Variants in MACC1 observed in about 807,000 individuals in gnomAD.
MACC1 encodes the protein MET transcriptional regulator MACC1, also known as metastasis-associated in colon cancer protein 1.
MACC1 carries 79 observed loss-of-function variants against 70.7 expected under a neutral mutation model. That is an observed-to-expected ratio of 1.12 (90% CI 0.93 to 1.35). The LOEUF (loss-of-function observed/expected upper bound fraction) is 1.35. Ranked by LOEUF, MACC1 falls within the 40% of genes most tolerant of loss-of-function variation. The pLI is 0.00. For missense variants in MACC1, 1,106 were observed against 978.1 expected, an observed-to-expected ratio of 1.13 and a Z score of -1.74; for synonymous variants, 361 against 347.2, an observed-to-expected ratio of 1.04 and a Z score of -0.44.
chr7:20,164,759 A>T (rs1160380161), intron 2 of MACC1, among the ~76,000 whole-genome samples: 4 of 152,234 alleles, frequency 2.6e-5, no homozygotes, highest in African/African-American at 9.6e-5. Context: ...TTTGAGGTAG[A>T]AAAGCTGAGC....
rs555287076 is a variant in MACC1, at chr7:20,164,347, T to G, written c.-100A>C. 6.6e-6 allele frequency: 1 copy of G among 152,352 alleles called. No individual in the cohort carries two copies. Among genetic ancestry groups the G allele is most frequent in the South Asian group, 2.1e-4 (1 of 4,828 alleles). 9.4% of individuals were successfully genotyped at this position (152,352 alleles called of 1,614,324 possible). A position where few individuals can be genotyped will look rare whatever the true frequency, so the allele number is the denominator to read the frequency against. On this transcript the variant is annotated 5_prime_UTR_variant, in exon 3 of 7. Transcript: ENST00000400331. ...ATACTCTTCTTTCTAATTCTTGATT[T>G]TTTTCTTTTCAAGTAGTTTTATTTT...
intron 1 of MACC1, among the ~76,000 whole-genome samples, chr7:20,204,523 G>C: frequency 6.6e-6 from 1 of 152,042 alleles, no homozygotes; most frequent in Non-Finnish European, 1.5e-5. Flanking sequence ...TTTTCAGCCT[G>C]AACGTCCTGA....
rs1056082749 is a variant in MACC1, at chr7:20,137,169, A to T, written c.*3777T>A. On this transcript the variant is annotated 3_prime_UTR_variant, in exon 7 of 7. Transcript: ENST00000400331. Reference sequence around the variant, plus strand: ...CACAATATAAAAATTCAAGTCCTTCAACTTCCAGTTATAGCATTGTACAAA... The same window carrying T: ...CACAATATAAAAATTCAAGTCCTTCTACTTCCAGTTATAGCATTGTACAAA... 1.3e-5 allele frequency: 2 copies of T among 152,258 alleles called. No individual in the cohort carries two copies. The highest frequency in any genetic ancestry group is 6.5e-5 in the Admixed American group (1 of 15,296). 9.4% of individuals were successfully genotyped at this position (152,258 alleles called of 1,614,324 possible).
Position 20,195,117 on chromosome 7 carries a change from C to G in MACC1, c.-218+22182G>C, listed in dbSNP as rs141734310. Among the ~76,000 whole-genome samples the G allele has an allele frequency of 3.2e-4, 48 of 152,090 alleles. 3 individuals are homozygous for G. The highest frequency in any genetic ancestry group is 1.1e-3 in the African/African-American group (44 of 41,482). On this transcript the variant is annotated intron_variant, in intron 1 of 6. Transcript: ENST00000400331. ...TCTTATTAAAAAAAAACAAGTATCCCCTATGCTTTAAGTTTTACCTTGATT... is the reference window on the plus strand; with the variant it reads ...TCTTATTAAAAAAAAACAAGTATCCGCTATGCTTTAAGTTTTACCTTGATT...
At position 20,195,788 on chromosome 7, in the gene MACC1, T is replaced by C. The variant is rs181413328; in HGVS notation, c.-218+21511A>G. Among the ~76,000 whole-genome samples, 24 of 152,314 alleles carry C rather than the reference T, an allele frequency of 1.6e-4. 2 individuals are homozygous for C. The East Asian group carries it at 4.2e-3, about 27-fold the overall frequency. The stretch of plus-strand genomic sequence containing the variant: ...CTGCTCATCTTGAGGCCAATGCTTC[T>C]TTAGCTGCTAGAAAAAAAGAAAAAA... On this transcript the variant is annotated intron_variant, in intron 1 of 6. Transcript: ENST00000400331.
chr7:20,194,228 C>T (rs1782716073), intron 1 of MACC1, among the ~76,000 whole-genome samples: 1 of 151,964 alleles, frequency 6.6e-6, no homozygotes, highest in African/African-American at 2.4e-5. Flanking sequence ...TTTTTTATAT[C>T]CTAATTTTAG....
intron 1 of MACC1, among the ~76,000 whole-genome samples, chr7:20,183,747 T>G (rs1452675147): frequency 1.3e-5 from 2 of 150,748 alleles, no homozygotes; most frequent in Non-Finnish European, 2.9e-5. Context: ...CTCACTCTGT[T>G]TCCCGGGCTG....
chr7:20,156,328 C>T (rs1782054421), intron 5 of MACC1, among the ~76,000 whole-genome samples: 1 of 152,238 alleles, frequency 6.6e-6, no homozygotes, highest in South Asian at 2.1e-4. Context: ...TTGGAAGCTC[C>T]CCGCTTGAAT....
intron 1 of MACC1, among the ~76,000 whole-genome samples, chr7:20,181,080 C>CTGTGTGTGTGTGTGTGTG (rs59476252): frequency 6.7e-6 from 1 of 149,082 alleles, no homozygotes; most frequent in African/African-American, 2.5e-5. Context: ...TGTATGTGCT[C>CTGTGTGTGTGTGTGTGTG]TGTGTGTGTG....
At chr7:20,169,205 C>T (rs982755348) in intron 2 of MACC1, among the ~76,000 whole-genome samples, 1 of 152,172 alleles carries the variant, frequency 6.6e-6, no homozygotes, top group Admixed American at 6.5e-5. Context: ...TGATATGTCT[C>T]TCAGGTTTAA....
chr7:20,136,195 G>A lies in MACC1; in HGVS notation c.*4751C>T, dbSNP rs57905351. ...CAAGTGACAGGTCCACAGTCTCATAGGGAGTAAGGGAGTAATGGACAAAGA... is the reference window on the plus strand; with the variant it reads ...CAAGTGACAGGTCCACAGTCTCATAAGGAGTAAGGGAGTAATGGACAAAGA... On this transcript the variant is annotated 3_prime_UTR_variant, in exon 7 of 7. Coordinates refer to ENST00000400331, the MANE Select transcript of MACC1 (RefSeq NM_182762.4). The A allele has an allele frequency of 0.15, 22,546 of 152,212 alleles. 1,766 individuals are homozygous for A. Among genetic ancestry groups the A allele is most frequent in the East Asian group, 0.25 (1,311 of 5,170 alleles). The allele number at this position is 152,212 out of a possible 1,614,324, so 9.4% of individuals were successfully genotyped here. A position where few individuals can be genotyped will look rare whatever the true frequency, so the allele number is the denominator to read the frequency against.
chr7:20,207,427 C>T (rs753270730), intron 1 of MACC1, among the ~76,000 whole-genome samples: 13 of 152,096 alleles, frequency 8.5e-5, no homozygotes, highest in Non-Finnish European at 1.9e-4. Flanking sequence ...GCTGGGATTA[C>T]AGGCATGAGC....
In MACC1 at chr7:20,194,536, C is replaced by T. The variant is rs75163434; in HGVS notation, c.-218+22763G>A. Among the ~76,000 whole-genome samples the T allele has an allele frequency of 8.3e-3, 1,271 of 152,312 alleles. 21 individuals are homozygous for T. Among genetic ancestry groups the T allele is most frequent in the African/African-American group, 0.029 (1,201 of 41,566 alleles). On this transcript the variant is annotated intron_variant, in intron 1 of 6. Transcript: ENST00000400331. The stretch of plus-strand genomic sequence containing the variant: ...TTCATGGTACCCTTAAAAGCTTACA[C>T]CTGATTCACTCAGCTGCTGGCTCAG...
intron 1 of MACC1, among the ~76,000 whole-genome samples, chr7:20,185,517 T>C (rs1397324775): frequency 1.3e-5 from 2 of 152,076 alleles, no homozygotes; most frequent in African/African-American, 4.8e-5. Flanking sequence ...CAGATTTTAA[T>C]TTATAAAGAA....
intron 1 of MACC1, among the ~76,000 whole-genome samples, chr7:20,210,981 T>G (rs1350728365): frequency 6.6e-6 from 1 of 152,208 alleles, no homozygotes; most frequent in Non-Finnish European, 1.5e-5. Flanking sequence ...TAAATTCTTC[T>G]CAGTACAAAT....
At position 20,138,524 on chromosome 7, in the gene MACC1, G is replaced by C. The variant is rs1296853346; in HGVS notation, c.*2422C>G. 3 of 151,890 alleles carry C rather than the reference G, an allele frequency of 2.0e-5. No homozygotes were observed. The highest frequency in any genetic ancestry group is 1.3e-4 in the Admixed American group (2 of 15,270). 9.4% of individuals were successfully genotyped at this position (151,890 alleles called of 1,614,324 possible). On this transcript the variant is annotated 3_prime_UTR_variant, in exon 7 of 7. Coordinates refer to ENST00000400331, the MANE Select transcript of MACC1 (RefSeq NM_182762.4). ...AAGAAAGCAAAATCACCACAAAAAA[G>C]GACTGTGTTCTGAAAGTAAAAACTG...
intron 1 of MACC1, among the ~76,000 whole-genome samples, chr7:20,195,910 T>C (rs1180205855): frequency 1.3e-5 from 2 of 152,224 alleles, no homozygotes; most frequent in East Asian, 3.8e-4. Context: ...AATTAGGTTG[T>C]CTTATTGCCA....
chr7:20,209,210 G>A (rs1448730245), intron 1 of MACC1, among the ~76,000 whole-genome samples: 1 of 152,228 alleles, frequency 6.6e-6, no homozygotes, highest in African/African-American at 2.4e-5. Flanking sequence ...GTGGAGCTGT[G>A]AGAAGAGGGC....
intron 6 of MACC1, among the ~76,000 whole-genome samples, chr7:20,146,670 A>G (rs1781896145): frequency 6.6e-6 from 1 of 152,210 alleles, no homozygotes; most frequent in African/African-American, 2.4e-5. Flanking sequence ...TTTTAAAAAT[A>G]GTTGTTCCTC....
Sources: allele counts gnomAD v4.1 joint callset (sites outside exome capture counted in the v4.1 genomes callset), GRCh38; gene constraint gnomAD v4.1.1; transcripts MANE v1.5; gene names NCBI Gene and HGNC (gene_info 2026-07-23, HGNC 2026-07-21).